LOXHD1: variants seen among roughly 807,000 people sequenced by gnomAD.
The protein encoded by LOXHD1 is lipoxygenase homology domain-containing protein 1.
In LOXHD1, 205 loss-of-function variants were observed where a neutral mutation model predicts 248.2. The ratio of observed to expected loss-of-function variants is 0.83; its 90% CI spans 0.74 to 0.93. The LOEUF is 0.93. Among genes scored for constraint, LOXHD1 ranks in the 40% least tolerant of loss-of-function variants. The probability of loss-of-function intolerance (pLI) is 0.00; values close to 1 mark genes in which losing one functional copy is unlikely to be tolerated. For missense variants in LOXHD1, 2,930 were observed against 2,971.6 expected, an observed-to-expected ratio of 0.99 and a Z score of 0.33; for synonymous variants, 1,113 against 1,162.8, an observed-to-expected ratio of 0.96 and a Z score of 0.87.
chr18:46,550,643 G>C (rs1284761636), intron 21 of LOXHD1, among the ~76,000 whole-genome samples: 2 of 148,850 alleles, frequency 1.3e-5, no homozygotes, highest in Admixed American at 1.3e-4. Context: ...CCACTATAAG[G>C]ACGATCACAG....
intron 29 of LOXHD1, among the ~76,000 whole-genome samples, chr18:46,526,217 C>T (rs4263029): frequency 0.66 from 101,023 of 152,094 alleles, 34,132 homozygotes; most frequent in Non-Finnish European, 0.73. Flanking sequence ...AGGATGTTTA[C>T]CACAGATAAT....
intron 21 of LOXHD1, among the ~76,000 whole-genome samples, chr18:46,551,278 A>AT (rs897033815): frequency 5.3e-5 from 8 of 151,302 alleles, no homozygotes; most frequent in African/African-American, 1.7e-4. Flanking sequence ...AATTTTTTGT[A>AT]TTTTTTAGTA....
At chr18:46,516,237 G>A (rs1049878413) in intron 34 of LOXHD1, among the ~76,000 whole-genome samples, 6 of 152,108 alleles carry the variant, frequency 3.9e-5, no homozygotes, top group Admixed American at 6.5e-5. Flanking sequence ...TGGTGGAGAC[G>A]ATAAGAGTAC....
intron 14 of LOXHD1, among the ~76,000 whole-genome samples, chr18:46,575,354 T>C (rs2037833705): frequency 6.6e-6 from 1 of 152,194 alleles, no homozygotes; most frequent in African/African-American, 2.4e-5. Context: ...CAAGCTGCTA[T>C]GTGGTGAACT....
intron 1 of LOXHD1, 146 bp downstream of exon 1, chr18:46,656,758 C>G (rs2039187303): frequency 2.0e-6 from 2 of 984,234 alleles, no homozygotes; most frequent in Non-Finnish European, 2.9e-6. Flanking sequence ...CTTCTTACTC[C>G]GAGGGGATAT....
rs1201159540 is a variant in LOXHD1, at chr18:46,601,399, A to G, written c.952T>C (p.Leu318=). ...RGAGTKSKIY[L]VMYGARGNKN... ...TTCCCTCTGGCCCCATACATGACCAAGTAGATTTTGGATTTGGTACCAGCC... is the reference window on the plus strand; with the variant it reads ...TTCCCTCTGGCCCCATACATGACCAGGTAGATTTTGGATTTGGTACCAGCC... The change falls in exon 8 of 41, where the codon TTG becomes CTG. Residue 318 remains leucine, a synonymous_variant. Transcript: ENST00000642948. 2 of 1,551,712 alleles carry G rather than the reference A, an allele frequency of 1.3e-6. No individual in the cohort carries two copies. The highest frequency in any genetic ancestry group is 1.7e-6 in the Non-Finnish European group (2 of 1,146,990).
At chr18:46,591,817 T>C in intron 12 of LOXHD1, 116 bp downstream of exon 12, 1 of 1,330,942 alleles carries the variant, frequency 7.5e-7, no homozygotes, top group Non-Finnish European at 1.0e-6. Context: ...ACTCTGGCAC[T>C]CTAAGGGGCC....
intron 23 of LOXHD1, chr18:46,544,946 C>G: frequency 2.1e-6 from 1 of 479,120 alleles, no homozygotes; most frequent in Non-Finnish European, 4.3e-6. Context: ...ATGGCTGGAC[C>G]CAACACTAAA....
intron 33 of LOXHD1, among the ~76,000 whole-genome samples, chr18:46,520,085 C>G (rs939666831): frequency 1.3e-5 from 2 of 152,226 alleles, no homozygotes; most frequent in East Asian, 3.9e-4. Context: ...GTGTGCTCAC[C>G]CACACCATCC....
At chr18:46,538,103 T>G (rs1244241291) in intron 26 of LOXHD1, 53 bp downstream of exon 26, 30 of 1,466,174 alleles carry the variant, frequency 2.0e-5, no homozygotes, top group Non-Finnish European at 2.8e-5. Context: ...GGGCTTCTCC[T>G]CTCCCTCTGT....
chr18:46,580,021 C>T (rs1038745748), intron 12 of LOXHD1, among the ~76,000 whole-genome samples: 2 of 152,236 alleles, frequency 1.3e-5, no homozygotes, highest in African/African-American at 4.8e-5. Flanking sequence ...CCATTTAAAT[C>T]CATGGGATCA....
chr18:46,558,572 G>C (rs1287382991), intron 20 of LOXHD1, among the ~76,000 whole-genome samples: 1 of 152,066 alleles, frequency 6.6e-6, no homozygotes, highest in Non-Finnish European at 1.5e-5. Flanking sequence ...AAAAAGCAGG[G>C]GGCCCCTGAA....
Position 46,560,538 on chromosome 18 carries a change from G to T in LOXHD1, c.2606C>A (p.Ala869Glu). ...CTTATAGACCTCGCCCACGTCGGCC[G>T]CCTCAAGCTGTTCAAAGGGCAGGGC... is the stretch of plus-strand genomic sequence containing the variant. ...RASKDTFQLE[A>E]ADVGEVYKLR... Residue 869 changes from alanine to glutamate, a missense_variant, in exon 19 of 41, where the codon GCG becomes GAG. Ala to Glu is a moderately radical substitution (Grantham distance 107). Coordinates refer to ENST00000642948, the MANE Select transcript of LOXHD1 (RefSeq NM_001384474.1). 6.5e-7 allele frequency: 1 copy of T among 1,528,488 alleles called. No individual in the cohort carries two copies. The highest frequency in any genetic ancestry group is 1.2e-5 in the South Asian group (1 of 83,544). The allele number at this position is 1,528,488 out of a possible 1,614,324, so 94.7% of individuals were successfully genotyped here. A position where few individuals can be genotyped will look rare whatever the true frequency, so the allele number is the denominator to read the frequency against.
Position 46,538,148 on chromosome 18 carries a change from C to T in LOXHD1, c.4095+8G>A. ...TCCATCCCTGGACAGCCTGCTGAGC[C>T]CAAGTACCTCTACGATGAAGCGGGA... On this transcript the variant is annotated splice_region_variant and intron_variant, in intron 26 of 40. Transcript: ENST00000642948. 1 of 1,528,010 alleles carries T rather than the reference C, an allele frequency of 6.5e-7. No homozygotes were observed. Among genetic ancestry groups the T allele is most frequent in the African/African-American group, 1.4e-5 (1 of 72,800 alleles). The allele number at this position is 1,528,010 out of a possible 1,614,324, so 94.7% of individuals were successfully genotyped here.
rs1174001050 is a variant in LOXHD1 at position 46,543,141 on chromosome 18, A to G, written c.3620-286T>C. On this transcript the variant is annotated intron_variant, in intron 23 of 40. Transcript: ENST00000642948. ...ACCTGAGCTGTGTACTCTGTACCCA[A>G]TGTTGTCTTTTATCCCTCATCCCCT... Among the ~76,000 whole-genome samples the G allele has an allele frequency of 2.0e-5, 3 of 152,072 alleles. No homozygotes were observed. The East Asian group carries it at 5.8e-4, about 29-fold the overall frequency.
chr18:46,601,731 A>G, intron 7 of LOXHD1: 1 of 459,758 alleles, frequency 2.2e-6, no homozygotes, highest in Non-Finnish European at 4.0e-6. Context: ...TGCTGATTAG[A>G]GGAAACTAAC....
At chr18:46,579,302 C>A (rs2144144179) in intron 13 of LOXHD1, among the ~76,000 whole-genome samples, 1 of 152,290 alleles carries the variant, frequency 6.6e-6, no homozygotes, top group East Asian at 1.9e-4. Context: ...CTTCTCAAAG[C>A]TCAGGGGTGG....
intron 6 of LOXHD1, among the ~76,000 whole-genome samples, chr18:46,610,470 A>G (rs2038489724): frequency 6.6e-6 from 1 of 152,162 alleles, no homozygotes; most frequent in South Asian, 2.1e-4. Flanking sequence ...TGATGGGTGC[A>G]GCAAACCAAC....
chr18:46,639,502 G>T, intron 4 of LOXHD1, 114 bp downstream of exon 4: 1 of 1,267,548 alleles, frequency 7.9e-7, no homozygotes. Context: ...GGCCCTGGAG[G>T]CATGCCAAGA....
Sources: gnomAD v4.1 joint callset for allele counts (sites outside exome capture counted in the v4.1 genomes callset) on GRCh38, gnomAD v4.1.1 for gene constraint, MANE v1.5 for transcripts, NCBI Gene and HGNC (gene_info 2026-07-23, HGNC 2026-07-21) for gene names.